KLHDC1: variants seen among roughly 807,000 people sequenced by gnomAD.
KLHDC1 encodes kelch domain containing 1, also known as kelch domain-containing protein 1.
Under a neutral mutation model 68.3 loss-of-function variants are expected in KLHDC1, and 53 were observed. That is an observed-to-expected ratio of 0.78 (90% confidence interval 0.62 to 0.98). The LOEUF is 0.98. KLHDC1 is among the 50% of genes least tolerant of loss of function. The probability of loss-of-function intolerance (pLI) is 0.00; values close to 1 mark genes in which losing one functional copy is unlikely to be tolerated. For synonymous variants in KLHDC1, 148 were observed against 159.0 expected, an observed-to-expected ratio of 0.93 and a Z score of 0.52; for missense variants, 470 against 492.3, an observed-to-expected ratio of 0.95 and a Z score of 0.43.
At position 49,709,168 on chromosome 14, in the gene KLHDC1, G is replaced by C. The variant is rs150457462; in HGVS notation, c.106G>C (p.Asp36His). ...YVWGGYVSIE[D>H]NEVYLPNDEI... The stretch of plus-strand genomic sequence containing the variant: ...TATTCTGTATTTTTAGTCTATTGAA[G>C]ACAATGAAGTATATTTGCCTAATGA... The change falls in exon 2 of 13, where the codon GAC (aspartate) becomes CAC (histidine). Residue 36 changes from aspartate to histidine, a missense_variant. By Grantham distance (81) the Asp-to-His change is moderately conservative. Transcript: ENST00000359332. The C allele has an allele frequency of 5.3e-4, 685 of 1,286,054 alleles. No homozygotes were observed. Among genetic ancestry groups the C allele is most frequent in the Non-Finnish European group, 7.1e-4 (639 of 898,662 alleles). The allele number at this position is 1,286,054 out of a possible 1,614,324, so 79.7% of individuals were successfully genotyped here. A position where few individuals can be genotyped will look rare whatever the true frequency, so the allele number is the denominator to read the frequency against.
chr14:49,727,263 A>G (rs1022507804), intron 6 of KLHDC1, among the ~76,000 whole-genome samples: 5 of 152,020 alleles, frequency 3.3e-5, no homozygotes, highest in African/African-American at 1.2e-4. Context: ...CCAAAAAAAA[A>G]AAAGAAAGAA....
intron 1 of KLHDC1, chr14:49,708,890 C>G (rs183067568): frequency 4.9e-6 from 1 of 205,314 alleles, no homozygotes; most frequent in African/African-American, 2.3e-5. Context: ...TTACATAAAG[C>G]CCCTTTTAAA....
intron 10 of KLHDC1, among the ~76,000 whole-genome samples, chr14:49,736,429 C>T (rs1594678156): frequency 1.3e-5 from 2 of 151,974 alleles, no homozygotes; most frequent in East Asian, 1.9e-4. Flanking sequence ...CAGTGTTCTT[C>T]GATGATGAAA....
chr14:49,732,857 C>CT, intron 9 of KLHDC1, 41 bp downstream of exon 9: 1 of 969,534 alleles, frequency 1.0e-6, no homozygotes, highest in Admixed American at 2.1e-5. Context: ...TTATCTCATT[C>CT]TTTTTTCTTA....
At chr14:49,740,499 G>A (rs978238410) in intron 11 of KLHDC1, among the ~76,000 whole-genome samples, 4 of 151,960 alleles carry the variant, frequency 2.6e-5, no homozygotes, top group Non-Finnish European at 5.9e-5. Flanking sequence ...CAACATACCC[G>A]GCTAATTTTT....
rs752288009 is a variant in KLHDC1 at position 49,751,790 on chromosome 14, A to G, written c.*18A>G. On this transcript the variant is annotated 3_prime_UTR_variant, in exon 13 of 13. Transcript: ENST00000359332. ...GCAATTAAATTGTTATATACTTTAC[A>G]TATTTAGTATGTTTTAACTTTTTAA... 1.5e-6 allele frequency: 2 copies of G among 1,321,352 alleles called. No individual in the cohort carries two copies. The highest frequency in any genetic ancestry group is 2.5e-5 in the East Asian group (1 of 40,090). 81.9% of individuals were successfully genotyped at this position (1,321,352 alleles called of 1,614,324 possible).
intron 1 of KLHDC1, among the ~76,000 whole-genome samples, chr14:49,701,661 A>G (rs1292163387): frequency 4.6e-5 from 7 of 152,272 alleles, no homozygotes; most frequent in African/African-American, 1.7e-4. Flanking sequence ...CTCCGTATCA[A>G]AAAAACAAAA....
intron 1 of KLHDC1, among the ~76,000 whole-genome samples, chr14:49,698,824 T>TGAAAG: frequency 6.6e-6 from 1 of 152,134 alleles, no homozygotes; most frequent in East Asian, 1.9e-4. Flanking sequence ...CCTAAATGTC[T>TGAAAG]GAATTTTTTG....
chr14:49,747,168 C>T (rs1481914473), intron 12 of KLHDC1, among the ~76,000 whole-genome samples: 3 of 152,032 alleles, frequency 2.0e-5, no homozygotes, highest in Non-Finnish European at 4.4e-5. Context: ...AGGATGGTCT[C>T]GATCTCCTGA....
At chr14:49,694,906 A>T (rs1194550735) in intron 1 of KLHDC1, among the ~76,000 whole-genome samples, 1 of 152,174 alleles carries the variant, frequency 6.6e-6, no homozygotes, top group Non-Finnish European at 1.5e-5. Flanking sequence ...TATTGCTAAA[A>T]AATGCTAAGG....
chr14:49,748,551 A>G (rs909268433), intron 12 of KLHDC1, among the ~76,000 whole-genome samples: 1 of 152,094 alleles, frequency 6.6e-6, no homozygotes, highest in Non-Finnish European at 1.5e-5. Flanking sequence ...TATATCGTCT[A>G]GTAGATTTGT....
chr14:49,707,622 A>C (rs1171859464), intron 1 of KLHDC1: 1 of 144,814 alleles, frequency 6.9e-6, no homozygotes, highest in Non-Finnish European at 1.5e-5. Context: ...CTGGGATTAC[A>C]GGCGTGAGCC....
At chr14:49,696,435 C>G (rs763237737) in intron 1 of KLHDC1, among the ~76,000 whole-genome samples, 6 of 152,160 alleles carry the variant, frequency 3.9e-5, no homozygotes, top group Non-Finnish European at 5.9e-5. Context: ...CCCACTTTGG[C>G]CTCCCAAAGT....
chr14:49,698,479 G>A (rs929642736), intron 1 of KLHDC1, among the ~76,000 whole-genome samples: 5 of 151,802 alleles, frequency 3.3e-5, no homozygotes, highest in African/African-American at 4.8e-5. Context: ...TGGGATTACA[G>A]GCCTGAGCCA....
chr14:49,699,025 G>A (rs1887824292), intron 1 of KLHDC1, among the ~76,000 whole-genome samples: 1 of 151,646 alleles, frequency 6.6e-6, no homozygotes, highest in East Asian at 2.0e-4. Flanking sequence ...ATAGCCAGGC[G>A]TGGTGGCACG....
intron 8 of KLHDC1, among the ~76,000 whole-genome samples, chr14:49,731,247 T>C (rs1888800424): frequency 6.6e-6 from 1 of 152,050 alleles, no homozygotes; most frequent in African/African-American, 2.4e-5. Context: ...GCCATTGCAC[T>C]CCAGCTTGGG....
intron 12 of KLHDC1, among the ~76,000 whole-genome samples, chr14:49,749,317 A>G (rs1261434551): frequency 6.6e-6 from 1 of 152,172 alleles, no homozygotes; most frequent in Non-Finnish European, 1.5e-5. Flanking sequence ...ATAATCATTC[A>G]GTATAATAAA....
chr14:49,732,837 C>T, intron 9 of KLHDC1, 21 bp downstream of exon 9: 1 of 1,112,580 alleles, frequency 9.0e-7, no homozygotes, highest in Non-Finnish European at 1.4e-6. Context: ...TAAGGTTTAG[C>T]CTATAATTAT....
At chr14:49,700,527 T>C (rs1887874022) in intron 1 of KLHDC1, among the ~76,000 whole-genome samples, 1 of 152,186 alleles carries the variant, frequency 6.6e-6, no homozygotes, top group Admixed American at 6.5e-5. Context: ...AAGGATGCAG[T>C]GAGCTATGAT....
Sources: allele counts gnomAD v4.1 joint callset (sites outside exome capture counted in the v4.1 genomes callset), GRCh38; gene constraint gnomAD v4.1.1; transcripts MANE v1.5; gene names NCBI Gene and HGNC (gene_info 2026-07-23, HGNC 2026-07-21).